The following CDK8 variants were observed in gnomAD, a reference collection of about 807,000 sequenced individuals.
CDK8 encodes the protein cyclin-dependent kinase 8.
In CDK8, 29 loss-of-function variants were observed where a neutral mutation model predicts 71.5. The observed-to-expected ratio is 0.41, with a 90% CI of 0.30 to 0.55. CDK8 has a LOEUF of 0.55. Ranked by LOEUF, CDK8 falls within the 20% of genes least tolerant of loss-of-function variation. The pLI, the probability that CDK8 is intolerant of heterozygous loss-of-function variation, is 0.37. For synonymous variants in CDK8, 161 were observed against 192.1 expected, an observed-to-expected ratio of 0.84 and a Z score of 1.34; for missense variants, 288 against 572.6, an observed-to-expected ratio of 0.50 and a Z score of 5.07.
At chr13:26,352,876 CTT>C (rs1873740752) in intron 3 of CDK8, among the ~76,000 whole-genome samples, 1 of 152,084 alleles carries the variant, frequency 6.6e-6, no homozygotes, top group South Asian at 2.1e-4. Context: ...TTAAATATCT[CTT>C]ATTTTTATTA....
At chr13:26,258,041 T>G (rs1017956881) in intron 1 of CDK8, among the ~76,000 whole-genome samples, 1 of 152,032 alleles carries the variant, frequency 6.6e-6, no homozygotes, top group Non-Finnish European at 1.5e-5. Flanking sequence ...AAGTTTCAGG[T>G]CCTGGGCAAA....
intron 1 of CDK8, among the ~76,000 whole-genome samples, chr13:26,309,013 A>G (rs768666351): frequency 1.3e-5 from 2 of 152,354 alleles, no homozygotes; most frequent in East Asian, 1.9e-4. Flanking sequence ...AAGCTTTCTT[A>G]TAGGATTGTT....
chr13:26,268,674 A>G (rs1003074862), intron 1 of CDK8, among the ~76,000 whole-genome samples: 2 of 152,148 alleles, frequency 1.3e-5, no homozygotes, highest in Admixed American at 1.3e-4. Flanking sequence ...AAAAAACTCG[A>G]GAGCCATATA....
Position 26,401,764 on chromosome 13 carries a change from G to A in CDK8, c.1269+140G>A. The A allele has an allele frequency of 1.1e-6, 1 of 885,022 alleles. No homozygotes were observed. 54.8% of individuals were successfully genotyped at this position (885,022 alleles called of 1,614,324 possible). ...CATTAACATGAAATGTTACTGGCAT[G>A]GAAAAGTACTGACAGTGGTATGGTA... is the stretch of plus-strand genomic sequence containing the variant. On this transcript the variant is annotated intron_variant, in intron 12 of 12. Coordinates refer to ENST00000381527, the MANE Select transcript of CDK8 (RefSeq NM_001260.3). The surrounding 1 kb of genome is among the most constrained non-coding windows in gnomAD (Gnocchi z 4.5).
intron 4 of CDK8, among the ~76,000 whole-genome samples, chr13:26,366,966 T>C (rs1284194422): frequency 6.6e-6 from 1 of 152,166 alleles, no homozygotes; most frequent in Non-Finnish European, 1.5e-5. Context: ...CCATAGTAAT[T>C]CTTGGTAATA....
At chr13:26,326,298 C>T (rs538953986) in intron 1 of CDK8, among the ~76,000 whole-genome samples, 1 of 152,244 alleles carries the variant, frequency 6.6e-6, no homozygotes, top group Admixed American at 6.5e-5. Flanking sequence ...AGTTAAATCA[C>T]GAGCAAATTG....
At chr13:26,341,252 G>C (rs1220447742) in intron 2 of CDK8, among the ~76,000 whole-genome samples, 1 of 152,104 alleles carries the variant, frequency 6.6e-6, no homozygotes, top group Non-Finnish European at 1.5e-5. Flanking sequence ...TCAGCCTCCT[G>C]AGTAGTTAGG....
intron 1 of CDK8, among the ~76,000 whole-genome samples, chr13:26,255,034 G>T (rs910373973): frequency 3.9e-5 from 6 of 152,186 alleles, no homozygotes; most frequent in African/African-American, 1.4e-4. Flanking sequence ...ACTTTTCAAG[G>T]ATTTCAAAGC....
At chr13:26,322,956 A>G (rs986941924) in intron 1 of CDK8, among the ~76,000 whole-genome samples, 7 of 152,048 alleles carry the variant, frequency 4.6e-5, no homozygotes, top group Non-Finnish European at 1.0e-4. Context: ...GGGAATCCCT[A>G]ATTTTGTATT....
intron 4 of CDK8, among the ~76,000 whole-genome samples, chr13:26,379,311 C>G (rs2138040648): frequency 6.6e-6 from 1 of 152,268 alleles, no homozygotes; most frequent in East Asian, 1.9e-4. Flanking sequence ...TCAGATGGTG[C>G]AGTAGGCAGT....
chr13:26,255,949 T>C (rs769698868), intron 1 of CDK8, among the ~76,000 whole-genome samples: 12 of 152,198 alleles, frequency 7.9e-5, no homozygotes, highest in Middle Eastern at 3.2e-3. Context: ...TTTAGTATTC[T>C]GGATGTTGGA....
intron 1 of CDK8, among the ~76,000 whole-genome samples, chr13:26,289,725 T>C (rs1349744094): frequency 6.6e-6 from 1 of 152,110 alleles, no homozygotes; most frequent in Non-Finnish European, 1.5e-5. Flanking sequence ...TAATTTTTTG[T>C]ATTTTTAGTA....
intron 4 of CDK8, among the ~76,000 whole-genome samples, chr13:26,372,072 G>A (rs1014976238): frequency 1.3e-5 from 2 of 152,164 alleles, no homozygotes; most frequent in Non-Finnish European, 2.9e-5. Context: ...TCAAAAATGT[G>A]TGTGTCTAGG....
intron 4 of CDK8, among the ~76,000 whole-genome samples, chr13:26,368,733 G>A (rs897518113): frequency 2.0e-5 from 3 of 152,020 alleles, no homozygotes; most frequent in Non-Finnish European, 2.9e-5. Flanking sequence ...TTTACTTTGG[G>A]GTTTTAGTTA....
At chr13:26,257,879 G>A (rs115672142) in intron 1 of CDK8, among the ~76,000 whole-genome samples, 169 of 149,106 alleles carry the variant, frequency 1.1e-3, no homozygotes, top group African/African-American at 4.1e-3. Context: ...TTATGAGTGA[G>A]GAATGAGTGT....
chr13:26,371,086 A>G (rs1874657550), intron 4 of CDK8, among the ~76,000 whole-genome samples: 1 of 152,128 alleles, frequency 6.6e-6, no homozygotes, highest in South Asian at 2.1e-4. Flanking sequence ...ATCATGCATG[A>G]GTCCCATCCC....
chr13:26,292,572 T>C (rs1403198603), intron 1 of CDK8, among the ~76,000 whole-genome samples: 1 of 152,178 alleles, frequency 6.6e-6, no homozygotes, highest in Non-Finnish European at 1.5e-5. Flanking sequence ...AAGTTTGCCA[T>C]ATAGCTAAGC....
chr13:26,383,883 C>G (rs2138047504), intron 5 of CDK8, among the ~76,000 whole-genome samples: 1 of 152,316 alleles, frequency 6.6e-6, no homozygotes, highest in Non-Finnish European at 1.5e-5. Flanking sequence ...GAAGCAGAAC[C>G]TGTCGGCACT....
intron 2 of CDK8, 136 bp from the exon 3 acceptor site, chr13:26,348,936 G>A (rs1541038): frequency 0.91 from 616,531 of 674,580 alleles, 282,478 homozygotes; most frequent in East Asian, 1. Flanking sequence ...ATCCGTCTCA[G>A]AATTGTGTGG....
Sources: allele counts gnomAD v4.1 joint callset (sites outside exome capture counted in the v4.1 genomes callset), GRCh38; gene constraint gnomAD v4.1.1; non-coding constraint Gnocchi (gnomAD v3.1); transcripts MANE v1.5; gene names NCBI Gene and HGNC (gene_info 2026-07-23, HGNC 2026-07-21).